RUNX1T1: variants seen among roughly 807,000 people sequenced by gnomAD.
The protein encoded by RUNX1T1 is protein CBFA2T1.
RUNX1T1 carries 4 observed loss-of-function variants against 62.8 expected under a neutral mutation model. That is an observed-to-expected ratio of 0.06 (90% CI 0.03 to 0.15). RUNX1T1 has a LOEUF of 0.15. RUNX1T1 is among the 10% of genes least tolerant of loss of function. RUNX1T1 has a pLI of 1.00. For synonymous variants in RUNX1T1, 291 were observed against 286.0 expected, an observed-to-expected ratio of 1.02 and a Z score of -0.18; for missense variants, 508 against 754.3, an observed-to-expected ratio of 0.67 and a Z score of 3.82.
chr8:92,082,327 G>C (rs542019791), intron 1 of RUNX1T1, among the ~76,000 whole-genome samples: 1 of 152,270 alleles, frequency 6.6e-6, no homozygotes, highest in South Asian at 2.1e-4. Context: ...TTCCTACGTG[G>C]TAGGGTTTGA....
At chr8:91,964,134 T>G (rs1243034321) in intron 10 of RUNX1T1, among the ~76,000 whole-genome samples, 1 of 152,160 alleles carries the variant, frequency 6.6e-6, no homozygotes, top group East Asian at 1.9e-4. Context: ...ATATACAGAA[T>G]CAATGGACTG....
intron 3 of RUNX1T1, 125 bp from the exon 5 acceptor site, chr8:92,011,216 A>C (rs984925149): frequency 1.7e-6 from 1 of 598,312 alleles, no homozygotes. Context: ...GACAGAAACC[A>C]GTATTTTCAA....
chr8:92,015,568 C>T (rs930455481), intron 2 of RUNX1T1, among the ~76,000 whole-genome samples: 3 of 151,962 alleles, frequency 2.0e-5, no homozygotes, highest in Admixed American at 6.6e-5. Flanking sequence ...CACTCTGTAA[C>T]CCATTAATAT....
At chr8:92,021,787 T>C (rs1310511743) in intron 1 of RUNX1T1, among the ~76,000 whole-genome samples, 2 of 151,952 alleles carry the variant, frequency 1.3e-5, no homozygotes, top group African/African-American at 4.8e-5. Context: ...CATTCTCTTG[T>C]GTCTTCAACT....
Position 92,005,357 on chromosome 8 carries a change from T to A in RUNX1T1, c.478-60A>T. ...GAAAGTTTTCTTCTGTCCTGTTGAC[T>A]TACTCTGCTTTTCGAACACTGGAGA... On this transcript the variant is annotated intron_variant, in intron 4 of 10. Transcript: ENST00000396218. 2.0e-6 allele frequency: 3 copies of A among 1,483,946 alleles called. No homozygotes were observed. The South Asian group carries it at 3.6e-5, about 18-fold the overall frequency. The allele number at this position is 1,483,946 out of a possible 1,614,324, so 91.9% of individuals were successfully genotyped here.
chr8:92,063,055 C>T (rs928669751), upstream of RUNX1T1: 1 of 691,254 alleles, frequency 1.4e-6, no homozygotes, highest in Non-Finnish European at 1.8e-6. Flanking sequence ...CAATAAAAGG[C>T]TTCCCTTCAT....
intron 9 of RUNX1T1, among the ~76,000 whole-genome samples, chr8:91,974,820 A>AT (rs1261794038): frequency 6.6e-6 from 1 of 152,202 alleles, no homozygotes; most frequent in Non-Finnish European, 1.5e-5. Context: ...ATGCTATCAG[A>AT]TTTTAAAGCT....
chr8:92,089,617 C>G (rs1836665521), intron 1 of RUNX1T1, among the ~76,000 whole-genome samples: 1 of 152,146 alleles, frequency 6.6e-6, no homozygotes, highest in Non-Finnish European at 1.5e-5. Flanking sequence ...AGTTCATCAT[C>G]TTGTCCAGTA....
At chr8:92,040,335 G>GT (rs1368589116) in intron 1 of RUNX1T1, among the ~76,000 whole-genome samples, 1 of 152,086 alleles carries the variant, frequency 6.6e-6, no homozygotes, top group Middle Eastern at 3.2e-3. Flanking sequence ...ATATTTGCAG[G>GT]TGTGTGTCCC....
downstream of RUNX1T1, chr8:91,955,655 A>C: frequency 8.9e-6 from 2 of 225,662 alleles, no homozygotes; most frequent in Non-Finnish European, 8.8e-6. Context: ...CACCTTCATA[A>C]CCTTTCTCCA....
Position 91,975,978 on chromosome 8 carries a change from G to A in RUNX1T1, c.1199-5C>T, listed in dbSNP as rs762729245. ...GAAGGAATTCCCGATGCGCGTCTAT[G>A]AAAAGGATGGGAAGGGGGTGGAGAG... is the stretch of plus-strand genomic sequence containing the variant. On this transcript the variant is annotated splice_region_variant and splice_polypyrimidine_tract_variant and intron_variant, in intron 8 of 10. Transcript: ENST00000396218. 6.2e-7 allele frequency: 1 copy of A among 1,608,850 alleles called. No individual in the cohort carries two copies. The highest frequency in any genetic ancestry group is 1.3e-5 in the African/African-American group (1 of 74,924).
intron 1 of RUNX1T1, among the ~76,000 whole-genome samples, chr8:92,040,080 T>C (rs1228606379): frequency 6.6e-6 from 1 of 152,182 alleles, no homozygotes; most frequent in East Asian, 1.9e-4. Context: ...TCTGTTACTT[T>C]CTCACAGCAT....
intron 5 of RUNX1T1, among the ~76,000 whole-genome samples, chr8:91,998,618 G>A (rs1209659138): frequency 6.6e-6 from 1 of 152,206 alleles, no homozygotes; most frequent in East Asian, 1.9e-4. Flanking sequence ...GCGAGAAGGT[G>A]GAATGCTTCC....
At chr8:92,057,528 A>G (rs1254647720) in intron 1 of RUNX1T1, among the ~76,000 whole-genome samples, 2 of 152,194 alleles carry the variant, frequency 1.3e-5, no homozygotes, top group African/African-American at 2.4e-5. Context: ...GGCTTTCAAT[A>G]AAAGGCTGCT....
chr8:92,094,557 C>T (rs556059328), intron 1 of RUNX1T1, among the ~76,000 whole-genome samples: 166 of 152,170 alleles, frequency 1.1e-3, no homozygotes, highest in Non-Finnish European at 1.5e-3. Flanking sequence ...TAAAAGTAGG[C>T]TTCATTTGCT....
intron 1 of RUNX1T1, among the ~76,000 whole-genome samples, chr8:92,038,093 C>T (rs1305899942): frequency 6.8e-6 from 1 of 147,110 alleles, no homozygotes; most frequent in African/African-American, 2.7e-5. Flanking sequence ...GACAGGGTCT[C>T]ACTCTGTTGT....
At chr8:92,060,553 A>ATATATATATATATATT in intron 1 of RUNX1T1, among the ~76,000 whole-genome samples, 1 of 63,948 alleles carries the variant, frequency 1.6e-5, no homozygotes, top group Non-Finnish European at 3.3e-5. Flanking sequence ...ATATATATAT[A>ATATATATATATATATT]TGTGTGTGTG....
At chr8:92,064,839 T>C (rs1832629344), upstream of RUNX1T1, among the ~76,000 whole-genome samples, 1 of 152,202 alleles carries the variant, frequency 6.6e-6, no homozygotes, top group African/African-American at 2.4e-5. Flanking sequence ...CAATTGAACT[T>C]CCATATGCTG....
chr8:92,057,906 T>C (rs954826643), intron 1 of RUNX1T1, among the ~76,000 whole-genome samples: 3 of 152,026 alleles, frequency 2.0e-5, no homozygotes, highest in Non-Finnish European at 4.4e-5. Flanking sequence ...TAAAATCTAA[T>C]AAAAACCAAA....
Sources: allele counts gnomAD v4.1 joint callset (sites outside exome capture counted in the v4.1 genomes callset), GRCh38; gene constraint gnomAD v4.1.1; transcripts MANE v1.5; gene names NCBI Gene and HGNC (gene_info 2026-07-23, HGNC 2026-07-21).